DAP: variants seen among roughly 807,000 people sequenced by gnomAD.
The protein encoded by DAP is death associated protein.
A neutral mutation model predicts 13.8 loss-of-function variants in DAP; 8 were observed. That is an observed-to-expected ratio of 0.58 (90% CI 0.34 to 1.05). DAP has a LOEUF of 1.05. Among genes scored for constraint, DAP ranks in the 50% least tolerant of loss-of-function variants. The probability of loss-of-function intolerance (pLI) is 0.03; values close to 1 mark genes in which losing one functional copy is unlikely to be tolerated. For missense variants in DAP, 106 were observed against 133.2 expected (o/e 0.80, Z 1.01); for synonymous variants, 47 against 47.5 (o/e 0.99, Z 0.04).
intron 2 of DAP, among the ~76,000 whole-genome samples, chr5:10,728,054 C>T (rs1032700188): frequency 2.2e-5 from 3 of 137,784 alleles, no homozygotes; most frequent in Non-Finnish European, 3.2e-5. Flanking sequence ...GTGACTCTGC[C>T]GTGGGTTGAA....
At position 10,756,113 on chromosome 5, in the gene DAP, ACT is replaced by A. The variant is rs1394254038; in HGVS notation, c.55+4899_55+4900del. Among the ~76,000 whole-genome samples the A allele has an allele frequency of 2.2e-5, 2 of 91,594 alleles. 1 individual carries two copies. The highest frequency in any genetic ancestry group is 9.4e-5 in the African/African-American group (2 of 21,242). The allele number at this position is 91,594 out of a possible 152,430, so 60.1% of individuals were successfully genotyped here. On this transcript the variant is annotated intron_variant, in intron 1 of 3. Coordinates refer to ENST00000230895, the MANE Select transcript of DAP (RefSeq NM_004394.3). ...CAGTGAGCCAAGATCACGCCACTGC[ACT>A]CAAGCCTGAGAGAGACCCTGTCTAG...
intron 2 of DAP, among the ~76,000 whole-genome samples, chr5:10,714,438 G>A (rs1203863365): frequency 1.3e-5 from 2 of 152,068 alleles, no homozygotes; most frequent in Non-Finnish European, 1.5e-5. Context: ...AGACCTATCA[G>A]GAGACCTTGT....
intron 1 of DAP, 79 bp from the exon 2 acceptor site, chr5:10,748,350 C>T (rs267943): frequency 0.94 from 1,184,146 of 1,253,634 alleles, 561,819 homozygotes; most frequent in Non-Finnish European, 0.97. Context: ...TGGAAAGGTT[C>T]TGGTTGCTCA....
intron 2 of DAP, among the ~76,000 whole-genome samples, chr5:10,730,905 GA>G (rs1408538671): frequency 4.6e-5 from 4 of 87,588 alleles, no homozygotes; most frequent in Non-Finnish European, 9.3e-5. Flanking sequence ...GAGCCCTAGT[GA>G]GGGGGAATCT....
At chr5:10,713,208 T>C (rs1242167200) in intron 2 of DAP, among the ~76,000 whole-genome samples, 2 of 152,190 alleles carry the variant, frequency 1.3e-5, no homozygotes, top group African/African-American at 4.8e-5. Context: ...GTGGGGAAAC[T>C]GGAATCTCAG....
intron 2 of DAP, among the ~76,000 whole-genome samples, chr5:10,719,301 G>C (rs1287834546): frequency 6.6e-6 from 1 of 152,204 alleles, no homozygotes; most frequent in African/African-American, 2.4e-5. Context: ...GAACAGGAGA[G>C]GGCTCTGCAA....
chr5:10,693,153 C>T (rs1036080198), intron 2 of DAP, among the ~76,000 whole-genome samples: 3 of 138,716 alleles, frequency 2.2e-5, no homozygotes, highest in Non-Finnish European at 4.7e-5. Flanking sequence ...CACACACACA[C>T]GTGCGTAGTA....
chr5:10,684,926 G>GT (rs1197279632), intron 2 of DAP, among the ~76,000 whole-genome samples: 3 of 152,182 alleles, frequency 2.0e-5, no homozygotes, highest in Non-Finnish European at 4.4e-5. Flanking sequence ...TCTTAGTTCA[G>GT]TTTTGCTTAA....
At chr5:10,752,704 T>TTG (rs539977332) in intron 1 of DAP, among the ~76,000 whole-genome samples, 3 of 152,160 alleles carry the variant, frequency 2.0e-5, no homozygotes, top group Admixed American at 1.3e-4. Context: ...ACGTATGTGC[T>TTG]TGTGTGTGTG....
intron 2 of DAP, among the ~76,000 whole-genome samples, chr5:10,724,397 T>C (rs560755089): frequency 3.9e-5 from 6 of 152,364 alleles, no homozygotes; most frequent in East Asian, 3.9e-4. Context: ...TTCATATTTT[T>C]CCCTCATTTT....
intron 2 of DAP, among the ~76,000 whole-genome samples, chr5:10,722,968 T>C (rs1739196157): frequency 6.6e-6 from 1 of 152,196 alleles, no homozygotes; most frequent in Admixed American, 6.5e-5. Flanking sequence ...AAATCCTCTT[T>C]ACACGTCTTT....
At chr5:10,756,473 CAATT>C (rs1740184774) in intron 1 of DAP, among the ~76,000 whole-genome samples, 1 of 152,136 alleles carries the variant, frequency 6.6e-6, no homozygotes, top group Non-Finnish European at 1.5e-5. Context: ...TCTGACGTAT[CAATT>C]AGTGTAAGAG....
intron 2 of DAP, among the ~76,000 whole-genome samples, chr5:10,727,280 T>TG (rs1369942854): frequency 3.3e-5 from 5 of 152,142 alleles, no homozygotes; most frequent in Non-Finnish European, 5.9e-5. Flanking sequence ...GCTTGTAGTC[T>TG]GAGAACCACC....
intron 2 of DAP, among the ~76,000 whole-genome samples, chr5:10,734,907 T>C (rs1739565771): frequency 6.6e-6 from 1 of 152,216 alleles, no homozygotes; most frequent in Admixed American, 6.5e-5. Flanking sequence ...CACTATTTAC[T>C]ATGTGGCCCC....
At chr5:10,741,372 G>C (rs544140859) in intron 2 of DAP, among the ~76,000 whole-genome samples, 1 of 152,256 alleles carries the variant, frequency 6.6e-6, no homozygotes, top group South Asian at 2.1e-4. Flanking sequence ...CAGGTGCGGT[G>C]GGGGGCTGTG....
chr5:10,757,096 C>T (rs908245906), intron 1 of DAP, among the ~76,000 whole-genome samples: 2 of 152,200 alleles, frequency 1.3e-5, no homozygotes, highest in African/African-American at 4.8e-5. Flanking sequence ...CTTTCTCTAA[C>T]ACTCTTCAGA....
chr5:10,748,339 C>A, intron 1 of DAP, 68 bp from the exon 2 acceptor site: 1 of 1,395,516 alleles, frequency 7.2e-7, no homozygotes, highest in East Asian at 2.3e-5. Context: ...GGGGGACCAG[C>A]TGGAAAGGTT....
intron 2 of DAP, among the ~76,000 whole-genome samples, chr5:10,695,442 G>A (rs977244116): frequency 2.0e-5 from 3 of 152,208 alleles, no homozygotes; most frequent in African/African-American, 4.8e-5. Context: ...TTCTAAACCC[G>A]AGAGAAAATA....
intron 2 of DAP, among the ~76,000 whole-genome samples, chr5:10,731,081 T>C (rs1187879337): frequency 4.8e-5 from 2 of 41,566 alleles, no homozygotes. Context: ...GGGGAATCTT[T>C]CTGGACTGAG....
Sources: gnomAD v4.1 joint callset for allele counts (sites outside exome capture counted in the v4.1 genomes callset) on GRCh38, gnomAD v4.1.1 for gene constraint, MANE v1.5 for transcripts, NCBI Gene and HGNC (gene_info 2026-07-23, HGNC 2026-07-21) for gene names.